The following BICD1 variants were observed in gnomAD, a reference collection of about 807,000 sequenced individuals.
BICD1 encodes the protein protein bicaudal D homolog 1.
A neutral mutation model predicts 92.5 loss-of-function variants in BICD1; 35 were observed. That is an observed-to-expected ratio of 0.38 (90% confidence interval 0.29 to 0.50). The LOEUF is 0.50. BICD1 is among the 20% of genes least tolerant of loss of function. BICD1 has a pLI of 0.93. For missense variants in BICD1, 950 were observed against 1,189.8 expected (o/e 0.80, Z 2.97); for synonymous variants, 429 against 465.1 (o/e 0.92, Z 1.00).
chr12:32,252,065 A>G (rs1256958141), intron 2 of BICD1, among the ~76,000 whole-genome samples: 2 of 75,076 alleles, frequency 2.7e-5, no homozygotes, highest in Non-Finnish European at 5.2e-5. Flanking sequence ...TATATATTAT[A>G]TATTTATAAT....
intron 1 of BICD1, among the ~76,000 whole-genome samples, chr12:32,158,107 T>C (rs199554241): frequency 2.7e-4 from 28 of 105,100 alleles, no homozygotes; most frequent in Admixed American, 1.0e-3. Context: ...TTTTTTTTTC[T>C]TTTTTTTTTT....
At chr12:32,226,339 T>C (rs1236409960) in intron 2 of BICD1, among the ~76,000 whole-genome samples, 1 of 151,870 alleles carries the variant, frequency 6.6e-6, no homozygotes, top group Non-Finnish European at 1.5e-5. Context: ...TTCACCATGT[T>C]GGTCAGCTGG....
chr12:32,342,381 AG>A (rs1262174432), intron 8 of BICD1, among the ~76,000 whole-genome samples: 1 of 150,790 alleles, frequency 6.6e-6, no homozygotes, highest in African/African-American at 2.4e-5. Context: ...CAGCCTCCCG[AG>A]TAGCTGGGAC....
At chr12:32,174,661 C>T (rs1944042144) in intron 1 of BICD1, among the ~76,000 whole-genome samples, 1 of 152,106 alleles carries the variant, frequency 6.6e-6, no homozygotes, top group Admixed American at 6.5e-5. Flanking sequence ...TGTTCTATTC[C>T]CACTGATGTA....
chr12:32,168,961 TCAAA>T (rs5797459), intron 1 of BICD1, among the ~76,000 whole-genome samples: 151,892 of 151,912 alleles, frequency 1, 75,937 homozygotes, highest in Middle Eastern at 1. Context: ...AAACTTCATC[TCAAA>T]CAAACAAACA....
chr12:32,346,854 A>T (rs1938651237), intron 8 of BICD1, among the ~76,000 whole-genome samples: 1 of 150,316 alleles, frequency 6.7e-6, no homozygotes, highest in Admixed American at 6.7e-5. Flanking sequence ...TTTTAACTAG[A>T]TAGAATTTCC....
At chr12:32,177,722 AATATATTT>A (rs1752500500) in intron 1 of BICD1, among the ~76,000 whole-genome samples, 3 of 136,208 alleles carry the variant, frequency 2.2e-5, no homozygotes, top group African/African-American at 7.6e-5. Context: ...TAAATATATA[AATATATTT>A]ATATATTTAT....
Position 32,327,508 on chromosome 12 carries a change from G to A in BICD1, c.1053G>A (p.Gln351=), listed in dbSNP as rs775195351. ...TTTTGGCCAACCTACAGGAGTCACA[G>A]ACACAGCTGGAACACACCAAGGGGG... ...AILLANLQES[Q]TQLEHTKGAL... The change falls in exon 5 of 10, where the codon CAG becomes CAA. Residue 351 remains glutamine, a synonymous_variant. Transcript: ENST00000652176. 3 of 1,612,934 alleles carry A rather than the reference G, an allele frequency of 1.9e-6. No individual in the cohort carries two copies. Among genetic ancestry groups the A allele is most frequent in the Non-Finnish European group, 2.5e-6 (3 of 1,179,346 alleles).
chr12:32,380,594 A>C lies in BICD1; in HGVS notation c.*2967A>C, dbSNP rs569805026. On this transcript the variant is annotated 3_prime_UTR_variant, in exon 10 of 10. Coordinates refer to ENST00000652176, the MANE Select transcript of BICD1 (RefSeq NM_001714.4). ...TTTTCCTTAATCAAAAAATAAGAAG[A>C]AGCAATAAATTGTCTTTGGCCTGAG... is the stretch of plus-strand genomic sequence containing the variant. 1.4e-4 allele frequency: 21 copies of C among 152,246 alleles called. No homozygotes were observed. The highest frequency in any genetic ancestry group is 2.2e-4 in the Non-Finnish European group (15 of 67,978). 9.4% of individuals were successfully genotyped at this position (152,246 alleles called of 1,614,324 possible).
chr12:32,308,215 C>T (rs1036613704), intron 4 of BICD1, among the ~76,000 whole-genome samples: 4 of 152,194 alleles, frequency 2.6e-5, no homozygotes, highest in South Asian at 2.1e-4. Context: ...TTGGTTTAGG[C>T]GGTTCCTCAT....
At chr12:32,191,406 T>C (rs1360344956) in intron 1 of BICD1, among the ~76,000 whole-genome samples, 1 of 151,916 alleles carries the variant, frequency 6.6e-6, no homozygotes, top group Non-Finnish European at 1.5e-5. Context: ...TTGCACTTTA[T>C]TGTACTTTGC....
At chr12:32,350,958 GTTTAT>G (rs149239788) in intron 8 of BICD1, among the ~76,000 whole-genome samples, 9,473 of 152,072 alleles carry the variant, frequency 0.062, 410 homozygotes, top group Middle Eastern at 0.13. Flanking sequence ...CAATAGCCAA[GTTTAT>G]TTTAACTTTA....
chr12:32,327,037 T>A (rs190333708), intron 4 of BICD1, among the ~76,000 whole-genome samples: 153 of 152,236 alleles, frequency 1.0e-3, no homozygotes, highest in African/African-American at 3.5e-3. Context: ...AAGGAAAAGA[T>A]GATTGATTCA....
rs1055095079 is a variant in BICD1, at chr12:32,377,877, T to TA, written c.*258dup. 39 of 379,816 alleles carry TA rather than the reference T, an allele frequency of 1.0e-4. No individual in the cohort carries two copies. Among genetic ancestry groups the TA allele is most frequent in the South Asian group, 1.6e-4 (3 of 18,406 alleles). 23.5% of individuals were successfully genotyped at this position (379,816 alleles called of 1,614,324 possible). On this transcript the variant is annotated 3_prime_UTR_variant, in exon 10 of 10. Transcript: ENST00000652176. ...CAAATGGCTACAGTTCATTTAAATTTAAAAAAAAGAAAAAAGAAACAGAAA... is the reference window on the plus strand; with the variant it reads ...CAAATGGCTACAGTTCATTTAAATTTAAAAAAAAAGAAAAAAGAAACAGAAA...
intron 2 of BICD1, among the ~76,000 whole-genome samples, chr12:32,286,691 TAACAC>T (rs996851186): frequency 2.6e-5 from 4 of 152,162 alleles, no homozygotes; most frequent in African/African-American, 4.8e-5. Context: ...CCTTCTCAAA[TAACAC>T]AACACAGGAA....
chr12:32,263,286 C>T (rs765436568), intron 2 of BICD1, among the ~76,000 whole-genome samples: 5 of 152,164 alleles, frequency 3.3e-5, no homozygotes, highest in Non-Finnish European at 7.3e-5. Flanking sequence ...TGGTGGCTCA[C>T]GCCTATAATC....
intron 4 of BICD1, among the ~76,000 whole-genome samples, chr12:32,307,192 C>A (rs985544567): frequency 6.6e-6 from 1 of 152,044 alleles, no homozygotes; most frequent in East Asian, 1.9e-4. Context: ...ATACTTGAAG[C>A]CTTAAAAGAC....
intron 2 of BICD1, among the ~76,000 whole-genome samples, chr12:32,273,000 G>A (rs988732864): frequency 2.0e-5 from 3 of 152,164 alleles, no homozygotes; most frequent in Non-Finnish European, 4.4e-5. Flanking sequence ...AATTCCAAAT[G>A]TTTCTCATTG....
chr12:32,126,048 C>CAAA (rs61406736), intron 1 of BICD1, among the ~76,000 whole-genome samples: 2 of 51,402 alleles, frequency 3.9e-5, no homozygotes, highest in Non-Finnish European at 4.3e-5. Flanking sequence ...GACTCCATCT[C>CAAA]AAAAAAAAAA....
Sources: gnomAD v4.1 joint callset for allele counts (sites outside exome capture counted in the v4.1 genomes callset) on GRCh38, gnomAD v4.1.1 for gene constraint, MANE v1.5 for transcripts, NCBI Gene and HGNC (gene_info 2026-07-23, HGNC 2026-07-21) for gene names.